The following TRPC4 variants were observed in gnomAD, a reference collection of about 807,000 sequenced individuals.
The protein encoded by TRPC4 is short transient receptor potential channel 4.
In TRPC4, 49 loss-of-function variants were observed where a neutral mutation model predicts 99.4. That is an observed-to-expected ratio of 0.49 (90% CI 0.39 to 0.63). The LOEUF is 0.63. TRPC4 is among the 20% of genes least tolerant of loss of function. TRPC4 has a pLI of 0.00. For synonymous variants in TRPC4, 454 were observed against 425.9 expected, an observed-to-expected ratio of 1.07 and a Z score of -0.81; for missense variants, 898 against 1,152.9, an observed-to-expected ratio of 0.78 and a Z score of 3.20.
In TRPC4 at chr13:37,843,705, C is replaced by CACACACACAT. The variant is rs35659228; in HGVS notation, c.-28+25889_-28+25890insATGTGTGTGT. 8.2e-3 allele frequency among the ~76,000 whole-genome samples: 1,246 copies of CACACACACAT among 151,756 alleles called. 13 individuals are homozygous for CACACACACAT. The highest frequency in any genetic ancestry group is 0.028 in the African/African-American group (1,159 of 41,304). On this transcript the variant is annotated intron_variant, in intron 1 of 10. Transcript: ENST00000379705. ...TGACACACACACACACACACACACA[C>CACACACACAT]GCACACATACACACATGCACACACA... is the stretch of plus-strand genomic sequence containing the variant.
chr13:37,856,141 AAG>A (rs2139696562), intron 1 of TRPC4, among the ~76,000 whole-genome samples: 1 of 151,854 alleles, frequency 6.6e-6, no homozygotes, highest in African/African-American at 2.4e-5. Flanking sequence ...TGGCCTGACT[AAG>A]AGAGAAGATC....
chr13:37,827,490 A>G (rs1264463662), intron 1 of TRPC4, among the ~76,000 whole-genome samples: 1 of 152,144 alleles, frequency 6.6e-6, no homozygotes, highest in Non-Finnish European at 1.5e-5. Flanking sequence ...TCCTTCTAAC[A>G]GACAGGACCC....
intron 6 of TRPC4, among the ~76,000 whole-genome samples, chr13:37,658,853 T>C (rs1259653120): frequency 6.6e-6 from 1 of 151,962 alleles, no homozygotes; most frequent in East Asian, 1.9e-4. Context: ...ATAGAAGACA[T>C]GGATCACAGC....
intron 2 of TRPC4, among the ~76,000 whole-genome samples, chr13:37,760,997 G>A (rs1054335230): frequency 6.6e-6 from 1 of 151,934 alleles, no homozygotes; most frequent in Non-Finnish European, 1.5e-5. Flanking sequence ...GAGTTGACTT[G>A]AAAAGGTATA....
chr13:37,744,728 C>G (rs1027633733), intron 3 of TRPC4, among the ~76,000 whole-genome samples: 1 of 152,108 alleles, frequency 6.6e-6, no homozygotes, highest in Admixed American at 6.6e-5. Context: ...TTCTCTTTCT[C>G]TTTTCATCTT....
intron 8 of TRPC4, among the ~76,000 whole-genome samples, chr13:37,644,216 A>T (rs944076511): frequency 2.0e-5 from 3 of 152,182 alleles, no homozygotes; most frequent in Non-Finnish European, 4.4e-5. Flanking sequence ...TTGAGTAAAG[A>T]TCAGCTGAAC....
chr13:37,711,669 C>A lies in TRPC4; in HGVS notation c.898-19334G>T, dbSNP rs141516230. ...CTGTAAAGAGATTTAAAGTGAATAT[C>A]TTTCTATATTTCTTTACATAATTTT... On this transcript the variant is annotated intron_variant, in intron 3 of 10. Transcript: ENST00000379705. 2.6e-3 allele frequency among the ~76,000 whole-genome samples: 401 copies of A among 152,040 alleles called. 1 individual carries two copies. The highest frequency in any genetic ancestry group is 9.4e-3 in the African/African-American group (392 of 41,522).
At chr13:37,757,197 T>C (rs1378786694) in intron 2 of TRPC4, among the ~76,000 whole-genome samples, 5 of 152,060 alleles carry the variant, frequency 3.3e-5, no homozygotes, top group African/African-American at 1.2e-4. Context: ...ATATCAGATA[T>C]ATAGTGTAAT....
At chr13:37,698,167 C>CGTTTTTTTTTTTTTTTTTT (rs1953981148) in intron 3 of TRPC4, among the ~76,000 whole-genome samples, 1 of 42,556 alleles carries the variant, frequency 2.3e-5, no homozygotes, top group Admixed American at 5.2e-4. Context: ...AAGGACTAAC[C>CGTTTTTTTTTTTTTTTTTT]TTTTTTTTTT....
intron 3 of TRPC4, among the ~76,000 whole-genome samples, chr13:37,732,787 A>G (rs1955280033): frequency 6.6e-6 from 1 of 152,160 alleles, no homozygotes; most frequent in African/African-American, 2.4e-5. Context: ...AAGGAAAACT[A>G]CCAAGCACTG....
chr13:37,831,495 G>A (rs1958420609), intron 1 of TRPC4, among the ~76,000 whole-genome samples: 1 of 152,076 alleles, frequency 6.6e-6, no homozygotes, highest in Non-Finnish European at 1.5e-5. Flanking sequence ...AAAACAAAAT[G>A]GAATCACCAT....
chr13:37,637,470 G>C lies in TRPC4; in HGVS notation c.2367C>G (p.Asp789Glu). The C allele has an allele frequency of 6.2e-7, 1 of 1,613,668 alleles. No individual in the cohort carries two copies. Among genetic ancestry groups the C allele is most frequent in the South Asian group, 1.1e-5 (1 of 91,046 alleles). The part of the protein sequence containing the change: ...EKSDSEGNSK[D>E]KKKNFSLFDL... ...CAAAAAGGCTGAAATTCTTTTTCTTGTCCTTGCTATTACCTTCGCTATCAC... is the reference window on the plus strand; with the variant it reads ...CAAAAAGGCTGAAATTCTTTTTCTTCTCCTTGCTATTACCTTCGCTATCAC... The change falls in exon 11 of 11, where the codon GAC becomes GAG. Residue 789 changes from aspartate to glutamate, a missense_variant. This residue lies in a region of TRPC4 where 346 missense variants were observed against 351.4 expected (regional missense o/e 0.98). Transcript: ENST00000379705.
intron 1 of TRPC4, among the ~76,000 whole-genome samples, chr13:37,804,002 T>C (rs758926985): frequency 4.6e-5 from 7 of 152,128 alleles, no homozygotes; most frequent in Non-Finnish European, 8.8e-5. Context: ...AATTGAATTG[T>C]GGCTCTGGAG....
intron 1 of TRPC4, among the ~76,000 whole-genome samples, chr13:37,818,806 T>C (rs932480014): frequency 2.6e-5 from 4 of 152,026 alleles, no homozygotes; most frequent in Non-Finnish European, 4.4e-5. Context: ...TGTCAGGGGA[T>C]TGGGGGCCAT....
intron 3 of TRPC4, among the ~76,000 whole-genome samples, chr13:37,702,810 C>T (rs1201950143): frequency 2.6e-5 from 4 of 152,234 alleles, no homozygotes; most frequent in Admixed American, 1.3e-4. Context: ...AAAACCATCT[C>T]CCATATCAGT....
intron 3 of TRPC4, among the ~76,000 whole-genome samples, chr13:37,734,735 G>A (rs572411020): frequency 3.9e-5 from 6 of 152,236 alleles, no homozygotes; most frequent in South Asian, 2.1e-4. Flanking sequence ...TACATGTCCC[G>A]GAGCTGCCTG....
At chr13:37,753,685 C>A (rs1956015370) in intron 2 of TRPC4, among the ~76,000 whole-genome samples, 1 of 151,900 alleles carries the variant, frequency 6.6e-6, no homozygotes, top group African/African-American at 2.4e-5. Flanking sequence ...AGATCTCATC[C>A]AGATGATGCC....
At chr13:37,685,285 GGTGA>G (rs1953428632) in intron 4 of TRPC4, among the ~76,000 whole-genome samples, 1 of 151,964 alleles carries the variant, frequency 6.6e-6, no homozygotes, top group African/African-American at 2.4e-5. Context: ...CACACTTTTG[GGTGA>G]GTGTCTCAGA....
At chr13:37,801,536 A>C (rs1188015225) in intron 1 of TRPC4, among the ~76,000 whole-genome samples, 1 of 152,148 alleles carries the variant, frequency 6.6e-6, no homozygotes, top group Non-Finnish European at 1.5e-5. Flanking sequence ...TTTTATTCTA[A>C]TATCACATAA....
Sources: allele counts gnomAD v4.1 joint callset (sites outside exome capture counted in the v4.1 genomes callset), GRCh38; gene constraint gnomAD v4.1.1; regional missense constraint gnomAD v4.1.1; transcripts MANE v1.5; gene names NCBI Gene and HGNC (gene_info 2026-07-23, HGNC 2026-07-21).